PRKG2: variants seen among roughly 807,000 people sequenced by gnomAD.
PRKG2 encodes protein kinase cGMP-dependent 2, also known as cGMP-dependent protein kinase 2.
Under a neutral mutation model 97.2 loss-of-function variants are expected in PRKG2, and 33 were observed. That is an observed-to-expected ratio of 0.34 (90% CI 0.26 to 0.45). PRKG2 has a LOEUF of 0.45. Among genes scored for constraint, PRKG2 ranks in the 20% least tolerant of loss-of-function variants. The pLI is 1.00. For missense variants in PRKG2, 638 were observed against 900.0 expected (o/e 0.71, Z 3.73); for synonymous variants, 330 against 321.8 (o/e 1.03, Z -0.27).
At chr4:81,166,631 T>C (rs1437636660) in intron 6 of PRKG2, among the ~76,000 whole-genome samples, 1 of 152,096 alleles carries the variant, frequency 6.6e-6, no homozygotes, top group African/African-American at 2.4e-5. Flanking sequence ...CAATATGCCG[T>C]TTCCCCCTAG....
intron 13 of PRKG2, 36 bp from the exon 14 acceptor site, chr4:81,135,332 A>C (rs1560567641): frequency 6.2e-7 from 1 of 1,601,540 alleles, no homozygotes; most frequent in African/African-American, 1.3e-5. Flanking sequence ...AATACTTTGG[A>C]TACACATCTT....
At chr4:81,093,405 A>ACACACACACACACACAC (rs1560528514) in intron 17 of PRKG2, among the ~76,000 whole-genome samples, 1 of 135,872 alleles carries the variant, frequency 7.4e-6, no homozygotes, top group African/African-American at 3.2e-5. Flanking sequence ...ACACACACAC[A>ACACACACACACACACAC]AGCTTCTTAT....
intron 14 of PRKG2, among the ~76,000 whole-genome samples, chr4:81,125,164 T>C (rs1445853458): frequency 2.0e-5 from 3 of 152,224 alleles, no homozygotes; most frequent in Non-Finnish European, 2.9e-5. Context: ...ATTTTTTAAA[T>C]TGATTTATAA....
chr4:81,130,595 C>T (rs1054049460), intron 14 of PRKG2, among the ~76,000 whole-genome samples: 8 of 152,238 alleles, frequency 5.3e-5, no homozygotes, highest in East Asian at 3.9e-4. Flanking sequence ...CCCACAGCCA[C>T]GCCTTCCCCC....
intron 2 of PRKG2, 68 bp downstream of exon 2, chr4:81,204,519 A>G: frequency 6.9e-7 from 1 of 1,443,270 alleles, no homozygotes; most frequent in Non-Finnish European, 9.4e-7. Flanking sequence ...AGGAGGCTTA[A>G]TAAATGTCAC....
At chr4:81,103,409 T>C (rs947466130) in intron 17 of PRKG2, among the ~76,000 whole-genome samples, 1 of 151,926 alleles carries the variant, frequency 6.6e-6, no homozygotes, top group Non-Finnish European at 1.5e-5. Context: ...GTCAGATTAC[T>C]GCAAAAGGAT....
At chr4:81,195,263 C>T (rs1464751378) in intron 2 of PRKG2, among the ~76,000 whole-genome samples, 1 of 152,126 alleles carries the variant, frequency 6.6e-6, no homozygotes. Flanking sequence ...ATATAATACA[C>T]AAGTGAGAAA....
chr4:81,110,700 T>C, intron 14 of PRKG2, 89 bp from the exon 15 acceptor site: 3 of 1,357,292 alleles, frequency 2.2e-6, no homozygotes, highest in Middle Eastern at 2.5e-4. Context: ...ATCTGCTTTC[T>C]ACACCCCACC....
chr4:81,102,567 C>T (rs1742909320), intron 17 of PRKG2, among the ~76,000 whole-genome samples: 1 of 152,140 alleles, frequency 6.6e-6, no homozygotes, highest in Admixed American at 6.5e-5. Flanking sequence ...GAAGGCAATC[C>T]AAAGGATAGC....
At chr4:81,154,907 G>A (rs1250437863) in intron 6 of PRKG2, among the ~76,000 whole-genome samples, 2 of 152,248 alleles carry the variant, frequency 1.3e-5, no homozygotes, top group East Asian at 1.9e-4. Context: ...GGGCGCGGTG[G>A]CTCACGCCTG....
chr4:81,091,496 G>A (rs1019251729), intron 18 of PRKG2, among the ~76,000 whole-genome samples: 1 of 151,846 alleles, frequency 6.6e-6, no homozygotes, highest in African/African-American at 2.4e-5. Flanking sequence ...TGTTAGCCAG[G>A]ATGGTCTCGA....
chr4:81,102,726 T>C (rs1742926721), intron 17 of PRKG2, among the ~76,000 whole-genome samples: 1 of 152,166 alleles, frequency 6.6e-6, no homozygotes, highest in African/African-American at 2.4e-5. Context: ...ATTGAATACA[T>C]GGCTTTATGT....
intron 7 of PRKG2, 61 bp downstream of exon 7, chr4:81,153,583 G>T: frequency 7.3e-7 from 1 of 1,371,148 alleles, no homozygotes; most frequent in Non-Finnish European, 1.0e-6. Context: ...GCATAGTTGA[G>T]TTTATGGCAA....
intron 2 of PRKG2, chr4:81,193,257 A>G (rs971071947): frequency 1.6e-4 from 24 of 152,166 alleles, no homozygotes; most frequent in African/African-American, 5.5e-4. Flanking sequence ...ATATTTGTGA[A>G]GGTCACAAAA....
intron 2 of PRKG2, among the ~76,000 whole-genome samples, chr4:81,176,660 G>A (rs1003745435): frequency 6.6e-6 from 1 of 152,108 alleles, no homozygotes; most frequent in African/African-American, 2.4e-5. Context: ...ATAAGCAAAA[G>A]TGTGCTAAGT....
chr4:81,170,325 A>T (rs1578461675), intron 4 of PRKG2, among the ~76,000 whole-genome samples: 1 of 151,378 alleles, frequency 6.6e-6, no homozygotes, highest in African/African-American at 2.4e-5. Flanking sequence ...TTTTGAGATA[A>T]TTTTTTTTTA....
chr4:81,182,883 A>C (rs576364337), intron 2 of PRKG2, among the ~76,000 whole-genome samples: 57 of 152,200 alleles, frequency 3.7e-4, no homozygotes, highest in African/African-American at 1.2e-3. Flanking sequence ...AATGAGAGAA[A>C]ACCTAACTAA....
intron 18 of PRKG2, among the ~76,000 whole-genome samples, chr4:81,091,273 T>TTTATTATTA (rs3042593): frequency 2.6e-4 from 39 of 151,508 alleles, no homozygotes; most frequent in African/African-American, 7.5e-4. Context: ...CAGTAGTGTT[T>TTTATTATTA]TTATTATTAT....
intron 15 of PRKG2, among the ~76,000 whole-genome samples, chr4:81,106,786 C>T (rs148288612): frequency 6.6e-6 from 1 of 152,222 alleles, no homozygotes; most frequent in Non-Finnish European, 1.5e-5. Flanking sequence ...AAGGGTGAAG[C>T]CCTCATGAAT....
Sources: allele counts gnomAD v4.1 joint callset (sites outside exome capture counted in the v4.1 genomes callset), GRCh38; gene constraint gnomAD v4.1.1; transcripts MANE v1.5; gene names NCBI Gene and HGNC (gene_info 2026-07-23, HGNC 2026-07-21).